CSMD1: variants seen among roughly 807,000 people sequenced by gnomAD.
CSMD1 encodes the protein CUB and sushi domain-containing protein 1.
In CSMD1, 213 loss-of-function variants were observed where a neutral mutation model predicts 417.5. The ratio of observed to expected loss-of-function variants is 0.51; its 90% CI spans 0.46 to 0.57. The LOEUF (loss-of-function observed/expected upper bound fraction) is 0.57. Among genes scored for constraint, CSMD1 ranks in the 20% least tolerant of loss-of-function variants. The pLI, the probability that CSMD1 is intolerant of heterozygous loss-of-function variation, is 0.00. For synonymous variants in CSMD1, 2,862 were observed against 1,736.8 expected, an observed-to-expected ratio of 1.65 and a Z score of -16.11; for missense variants, 6,923 against 4,529.7, an observed-to-expected ratio of 1.53 and a Z score of -15.17.
rs201465041 is a variant in CSMD1 at position 3,953,150 on chromosome 8, T to TA, written c.818+44752dup. ...CATAAACCCTAAAAAATACCATTTA[T>TA]AAAAAAAAATCAAACTGGATTAGAG... On this transcript the variant is annotated intron_variant, in intron 5 of 69. Transcript: ENST00000635120. Among the ~76,000 whole-genome samples, 999 of 151,238 alleles carry TA rather than the reference T, an allele frequency of 6.6e-3. 12 individuals carry two copies. Among genetic ancestry groups the TA allele is most frequent in the African/African-American group, 0.022 (927 of 41,308 alleles).
At chr8:4,090,684 T>C (rs1313508896) in intron 3 of CSMD1, among the ~76,000 whole-genome samples, 1 of 152,190 alleles carries the variant, frequency 6.6e-6, no homozygotes, top group African/African-American at 2.4e-5. Context: ...ATTTCCTAAT[T>C]TTATCTCTAG....
intron 3 of CSMD1, among the ~76,000 whole-genome samples, chr8:4,155,651 C>T (rs1360124030): frequency 6.6e-6 from 1 of 152,072 alleles, no homozygotes; most frequent in African/African-American, 2.4e-5. Flanking sequence ...TGACATAATA[C>T]ACATTCAAAG....
chr8:4,444,667 A>G (rs897019208), intron 2 of CSMD1, among the ~76,000 whole-genome samples: 7 of 152,200 alleles, frequency 4.6e-5, no homozygotes, highest in African/African-American at 1.7e-4. Context: ...TGTAATTGTG[A>G]TGACATGTTG....
intron 26 of CSMD1, among the ~76,000 whole-genome samples, chr8:3,270,142 C>T (rs535999108): frequency 4.0e-4 from 60 of 151,120 alleles, no homozygotes; most frequent in African/African-American, 1.3e-3. Context: ...CTCTGCCTCC[C>T]GGGTTCAAGC....
chr8:4,484,928 G>A (rs534798817), intron 2 of CSMD1, among the ~76,000 whole-genome samples: 59 of 133,192 alleles, frequency 4.4e-4, no homozygotes, highest in Non-Finnish European at 2.9e-4. Context: ...AGCCGAGATC[G>A]TGCCACTGCA....
At chr8:4,662,554 A>C (rs957764908) in intron 1 of CSMD1, among the ~76,000 whole-genome samples, 1 of 152,130 alleles carries the variant, frequency 6.6e-6, no homozygotes, top group African/African-American at 2.4e-5. Context: ...CTCCCTGGAG[A>C]ATGCTAATGT....
At chr8:4,382,029 T>G (rs1290248060) in intron 3 of CSMD1, among the ~76,000 whole-genome samples, 1 of 152,234 alleles carries the variant, frequency 6.6e-6, no homozygotes, top group Non-Finnish European at 1.5e-5. Flanking sequence ...AGCTGGGGTC[T>G]GAATTTCTGT....
At chr8:4,670,877 T>G (rs914671357) in intron 1 of CSMD1, among the ~76,000 whole-genome samples, 1 of 152,160 alleles carries the variant, frequency 6.6e-6, no homozygotes, top group African/African-American at 2.4e-5. Context: ...CATGTTTTGA[T>G]GGGGGTACTT....
chr8:3,894,009 G>A (rs1022479130), intron 5 of CSMD1, among the ~76,000 whole-genome samples: 9 of 151,840 alleles, frequency 5.9e-5, no homozygotes, highest in African/African-American at 2.2e-4. Context: ...GAATAATAAT[G>A]TAAAACTCCC....
chr8:4,821,765 A>C (rs1799538604), intron 1 of CSMD1, among the ~76,000 whole-genome samples: 1 of 152,116 alleles, frequency 6.6e-6, no homozygotes, highest in Non-Finnish European at 1.5e-5. Context: ...CTTTCCTAAC[A>C]CTATATTGAT....
chr8:4,416,990 T>A (rs904882628), intron 3 of CSMD1, among the ~76,000 whole-genome samples: 1 of 152,094 alleles, frequency 6.6e-6, no homozygotes, highest in African/African-American at 2.4e-5. Flanking sequence ...GCTATGCAAC[T>A]ATGTTGGTTC....
intron 2 of CSMD1, among the ~76,000 whole-genome samples, chr8:4,471,831 A>G (rs1469069622): frequency 6.6e-6 from 1 of 152,162 alleles, no homozygotes; most frequent in African/African-American, 2.4e-5. Context: ...TCTAATGACT[A>G]CGCTGCAAGG....
intron 5 of CSMD1, among the ~76,000 whole-genome samples, chr8:3,980,702 G>C (rs1030646065): frequency 6.6e-6 from 1 of 152,098 alleles, no homozygotes. Context: ...GAATTTAAAA[G>C]AACGATGTGA....
At chr8:3,939,372 A>T (rs181312051) in intron 5 of CSMD1, among the ~76,000 whole-genome samples, 103 of 152,260 alleles carry the variant, frequency 6.8e-4, no homozygotes, top group African/African-American at 2.5e-3. Flanking sequence ...AAATGTTGGC[A>T]TGGATATGGT....
chr8:3,354,817 A>G (rs1425284790), intron 21 of CSMD1, among the ~76,000 whole-genome samples: 3 of 139,410 alleles, frequency 2.2e-5, no homozygotes, highest in Non-Finnish European at 4.6e-5. Context: ...CTCTCTATAT[A>G]TATCTATAGA....
At chr8:4,179,325 G>C (rs1418782694) in intron 3 of CSMD1, among the ~76,000 whole-genome samples, 1 of 152,140 alleles carries the variant, frequency 6.6e-6, no homozygotes, top group African/African-American at 2.4e-5. Context: ...CAAGCAATGG[G>C]GGAAGGATTC....
At chr8:3,998,784 G>T (rs541391902) in intron 4 of CSMD1, among the ~76,000 whole-genome samples, 1 of 151,518 alleles carries the variant, frequency 6.6e-6, no homozygotes, top group Non-Finnish European at 1.5e-5. Flanking sequence ...ACAGATCTTG[G>T]TAAGTTTGCT....
At chr8:4,213,265 C>G (rs567668098) in intron 3 of CSMD1, among the ~76,000 whole-genome samples, 1 of 152,080 alleles carries the variant, frequency 6.6e-6, no homozygotes, top group Non-Finnish European at 1.5e-5. Context: ...GCAAGTGAGG[C>G]GGGGTCCTGT....
intron 23 of CSMD1, among the ~76,000 whole-genome samples, chr8:3,339,393 G>C (rs536263178): frequency 2.0e-5 from 3 of 152,120 alleles, no homozygotes; most frequent in African/African-American, 4.8e-5. Flanking sequence ...GCCAAGGGTA[G>C]GGGGGTTGCC....
Sources: gnomAD v4.1 joint callset for allele counts (sites outside exome capture counted in the v4.1 genomes callset) on GRCh38, gnomAD v4.1.1 for gene constraint, MANE v1.5 for transcripts, NCBI Gene and HGNC (gene_info 2026-07-23, HGNC 2026-07-21) for gene names.